Variants in OR51B5 observed in about 807,000 individuals in gnomAD.
OR51B5 encodes olfactory receptor family 51 subfamily B member 5.
For missense variants in OR51B5, 456 were observed against 374.6 expected (o/e 1.22, Z -1.79); for synonymous variants, 186 against 144.8 (o/e 1.28, Z -2.04).
intron 1 of OR51B5, among the ~76,000 whole-genome samples, chr11:5,446,903 T>C (rs1420912358): frequency 6.6e-6 from 1 of 152,212 alleles, no homozygotes; most frequent in African/African-American, 2.4e-5. Flanking sequence ...TATGGGGATA[T>C]AAATCGTGTT....
chr11:5,455,579 A>AAAGAGAAAGAGAGAGGAGAGAGAG (rs1554893777), intron 1 of OR51B5: 1 of 97,642 alleles, frequency 1.0e-5, no homozygotes, highest in African/African-American at 4.5e-5. Flanking sequence ...GAGAGAGAGA[A>AAAGAGAAAGAGAGAGGAGAGAGAG]AGAGAAAGAG....
intron 1 of OR51B5, among the ~76,000 whole-genome samples, chr11:5,477,471 T>A (rs571686663): frequency 6.6e-6 from 1 of 152,110 alleles, no homozygotes; most frequent in South Asian, 2.1e-4. Context: ...TCTGTCTCAG[T>A]TTATTACAAA....
At chr11:5,376,537 A>T (rs1849531013) in intron 1 of OR51B5, among the ~76,000 whole-genome samples, 1 of 152,192 alleles carries the variant, frequency 6.6e-6, no homozygotes, top group South Asian at 2.1e-4. Context: ...GGTTTTTTGA[A>T]AGGATCAACA....
At chr11:5,462,569 C>CA (rs1197193691) in intron 1 of OR51B5, among the ~76,000 whole-genome samples, 2 of 152,214 alleles carry the variant, frequency 1.3e-5, no homozygotes, top group African/African-American at 4.8e-5. Flanking sequence ...AAGTTCTCTT[C>CA]ACCCAGATAG....
At chr11:5,418,032 T>TGGATG (rs1850268768) in intron 1 of OR51B5, among the ~76,000 whole-genome samples, 2 of 6,978 alleles carry the variant, frequency 2.9e-4, no homozygotes, top group South Asian at 0.019. Flanking sequence ...AATGATAGAC[T>TGGATG]AAGAAAATGT....
At chr11:5,378,110 C>A (rs903768733) in intron 1 of OR51B5, among the ~76,000 whole-genome samples, 1 of 151,630 alleles carries the variant, frequency 6.6e-6, no homozygotes, top group African/African-American at 2.4e-5. Flanking sequence ...TACCAAAACA[C>A]AGATATAGAT....
intron 1 of OR51B5, chr11:5,489,378 C>T: frequency 1.9e-6 from 3 of 1,613,902 alleles, no homozygotes; most frequent in Non-Finnish European, 2.5e-6. Context: ...ATGGCTTTAT[C>T]CTCCATGCAG....
chr11:5,464,621 A>AT (rs1175442798), intron 1 of OR51B5, among the ~76,000 whole-genome samples: 1 of 151,848 alleles, frequency 6.6e-6, no homozygotes, highest in Non-Finnish European at 1.5e-5. Flanking sequence ...TGAACTCATC[A>AT]TTTTTTATGG....
intron 1 of OR51B5, among the ~76,000 whole-genome samples, chr11:5,504,936 G>T (rs1373602598): frequency 6.6e-6 from 1 of 152,154 alleles, no homozygotes; most frequent in East Asian, 1.9e-4. Flanking sequence ...GCTCTAAGAG[G>T]TTATGGCAAG....
chr11:5,465,507 C>A (rs1340160840), intron 1 of OR51B5, among the ~76,000 whole-genome samples: 4 of 151,696 alleles, frequency 2.6e-5, no homozygotes, highest in African/African-American at 9.7e-5. Flanking sequence ...CAAGGCAATC[C>A]TAAGCCAAAA....
chr11:5,440,081 A>T (rs995209388), intron 1 of OR51B5, among the ~76,000 whole-genome samples: 1 of 152,160 alleles, frequency 6.6e-6, no homozygotes, highest in African/African-American at 2.4e-5. Flanking sequence ...CTACTTCATA[A>T]CCACTCAACA....
At chr11:5,445,789 A>G (rs999843356) in intron 1 of OR51B5, among the ~76,000 whole-genome samples, 1 of 151,814 alleles carries the variant, frequency 6.6e-6, no homozygotes, top group Non-Finnish European at 1.5e-5. Flanking sequence ...AAATAATAAT[A>G]TAACTGCTGA....
At chr11:5,419,070 A>G (rs185217127) in intron 1 of OR51B5, among the ~76,000 whole-genome samples, 32 of 152,198 alleles carry the variant, frequency 2.1e-4, no homozygotes, top group Admixed American at 1.6e-3. Flanking sequence ...TACTTTTGAT[A>G]TATCTTCACT....
intron 1 of OR51B5, among the ~76,000 whole-genome samples, chr11:5,414,922 G>A (rs1390242603): frequency 6.6e-6 from 1 of 152,128 alleles, no homozygotes. Context: ...GCACCAAGCG[G>A]ACCTAATAAA....
chr11:5,436,001 C>CT (rs1157877456), intron 1 of OR51B5, among the ~76,000 whole-genome samples: 5 of 151,982 alleles, frequency 3.3e-5, no homozygotes, highest in African/African-American at 1.2e-4. Flanking sequence ...CAAAGATATG[C>CT]TAAAAAAATC....
At chr11:5,471,955 G>A (rs1182689937) in intron 1 of OR51B5, among the ~76,000 whole-genome samples, 1 of 152,088 alleles carries the variant, frequency 6.6e-6, no homozygotes, top group Non-Finnish European at 1.5e-5. Flanking sequence ...GACATTGAGG[G>A]GCTGAAAGTT....
chr11:5,383,809 C>T (rs2736538), intron 1 of OR51B5: 61,437 of 151,872 alleles, frequency 0.4, 12,672 homozygotes, highest in South Asian at 0.54. Flanking sequence ...CCTTCTGTGA[C>T]AGCCACAGCC....
chr11:5,422,529 C>G, intron 1 of OR51B5: 1 of 1,614,160 alleles, frequency 6.2e-7, no homozygotes. Flanking sequence ...CATGGATTCT[C>G]CTTTATGGAG....
chr11:5,357,706 C>T (rs1849216915), intron 1 of OR51B5, among the ~76,000 whole-genome samples: 2 of 150,436 alleles, frequency 1.3e-5, no homozygotes, highest in South Asian at 4.3e-4. Flanking sequence ...CAGCACCACA[C>T]CACACCTATT....
Sources: gnomAD v4.1 joint callset for allele counts (sites outside exome capture counted in the v4.1 genomes callset) on GRCh38, gnomAD v4.1.1 for gene constraint, MANE v1.5 for transcripts, NCBI Gene and HGNC (gene_info 2026-07-23, HGNC 2026-07-21) for gene names.